The following EXOC4 variants were observed in gnomAD, a reference collection of about 807,000 sequenced individuals.
The protein encoded by EXOC4 is exocyst complex component 4.
EXOC4 carries 71 observed loss-of-function variants against 107.2 expected under a neutral mutation model. The observed-to-expected ratio is 0.66, with a 90% CI of 0.55 to 0.81. The LOEUF is 0.81. Among genes scored for constraint, EXOC4 ranks in the 30% least tolerant of loss-of-function variants. The probability of loss-of-function intolerance (pLI) is 0.00; values close to 1 mark genes in which losing one functional copy is unlikely to be tolerated. For synonymous variants in EXOC4, 456 were observed against 441.2 expected, an observed-to-expected ratio of 1.03 and a Z score of -0.42; for missense variants, 1,108 against 1,189.6, an observed-to-expected ratio of 0.93 and a Z score of 1.01.
At chr7:133,860,743 C>T (rs964244169) in intron 11 of EXOC4, among the ~76,000 whole-genome samples, 2 of 152,068 alleles carry the variant, frequency 1.3e-5, no homozygotes, top group Admixed American at 6.6e-5. Flanking sequence ...TAATTTAAAC[C>T]TATGAACTAA....
At chr7:134,082,082 G>C in the EXOC4 span, among the ~76,000 whole-genome samples, 1 of 152,180 alleles carries the variant, frequency 6.6e-6, no homozygotes, top group Non-Finnish European at 1.5e-5. Context: ...ATTCAGGGGA[G>C]TCCATAAAGT....
chr7:133,601,221 GT>G (rs1028510053), intron 9 of EXOC4, among the ~76,000 whole-genome samples: 21 of 151,986 alleles, frequency 1.4e-4, no homozygotes, highest in Admixed American at 1.0e-3. Context: ...GGATTTTGTT[GT>G]TTTATTGGTG....
intron 14 of EXOC4, among the ~76,000 whole-genome samples, chr7:133,970,885 G>T (rs1007340124): frequency 1.5e-5 from 1 of 64,774 alleles, no homozygotes; most frequent in African/African-American, 1.1e-4. Context: ...GGTTCCAAAT[G>T]GTTTCCCCTG....
At chr7:133,812,858 G>A (rs1222904188) in intron 10 of EXOC4, among the ~76,000 whole-genome samples, 4 of 151,740 alleles carry the variant, frequency 2.6e-5, no homozygotes, top group Non-Finnish European at 5.9e-5. Flanking sequence ...TACCCCTCCC[G>A]GAAATTTTGT....
intron 10 of EXOC4, among the ~76,000 whole-genome samples, chr7:133,796,761 T>TA (rs1290901982): frequency 1.3e-5 from 2 of 152,052 alleles, no homozygotes; most frequent in Admixed American, 1.3e-4. Context: ...CATTTCAAAA[T>TA]AAAAAAGATT....
intron 6 of EXOC4, among the ~76,000 whole-genome samples, chr7:133,357,579 G>T (rs998694876): frequency 3.3e-5 from 5 of 152,120 alleles, no homozygotes; most frequent in Admixed American, 2.6e-4. Flanking sequence ...TGACAAACAA[G>T]AAGAAATCAT....
intron 17 of EXOC4, among the ~76,000 whole-genome samples, chr7:134,034,677 A>G (rs1795348637): frequency 6.6e-6 from 1 of 152,172 alleles, no homozygotes; most frequent in Non-Finnish European, 1.5e-5. Context: ...GACATGTTGA[A>G]CTGTGAGTCA....
intron 12 of EXOC4, among the ~76,000 whole-genome samples, chr7:133,912,950 C>G (rs575153753): frequency 6.6e-6 from 1 of 152,108 alleles, no homozygotes; most frequent in East Asian, 1.9e-4. Context: ...CCAAGTGATT[C>G]TAATCTTTAG....
At chr7:133,622,840 C>A (rs1281174366) in intron 9 of EXOC4, among the ~76,000 whole-genome samples, 1 of 152,040 alleles carries the variant, frequency 6.6e-6, no homozygotes, top group Admixed American at 6.6e-5. Context: ...CCTGCGAATT[C>A]CTTGGAAACA....
intron 7 of EXOC4, among the ~76,000 whole-genome samples, chr7:133,458,921 AC>A (rs1278143959): frequency 6.6e-6 from 1 of 151,394 alleles, no homozygotes; most frequent in Non-Finnish European, 1.5e-5. Flanking sequence ...AATTTCAGAA[AC>A]CTGTACTTAA....
chr7:133,818,506 C>T (rs1223318384), intron 11 of EXOC4, among the ~76,000 whole-genome samples: 1 of 152,094 alleles, frequency 6.6e-6, no homozygotes, highest in Non-Finnish European at 1.5e-5. Flanking sequence ...AGAGAAGCGT[C>T]CTAGTTATGA....
At chr7:133,789,282 C>T (rs1193034741) in intron 10 of EXOC4, among the ~76,000 whole-genome samples, 3 of 152,184 alleles carry the variant, frequency 2.0e-5, no homozygotes, top group Non-Finnish European at 2.9e-5. Context: ...CTAAAAAGTT[C>T]TCTCCAGAAA....
At chr7:134,084,940 T>C in the EXOC4 span, among the ~76,000 whole-genome samples, 1 of 151,950 alleles carries the variant, frequency 6.6e-6, no homozygotes, top group Non-Finnish European at 1.5e-5. Context: ...GGAAGTGACA[T>C]ACAGAAATCG....
chr7:133,342,829 A>G (rs931079643), intron 5 of EXOC4, among the ~76,000 whole-genome samples: 2 of 151,688 alleles, frequency 1.3e-5, no homozygotes, highest in Non-Finnish European at 2.9e-5. Context: ...TTTCCAGTGT[A>G]TTTTGCATAT....
At chr7:133,881,400 C>G (rs1362278325) in intron 11 of EXOC4, among the ~76,000 whole-genome samples, 1 of 151,576 alleles carries the variant, frequency 6.6e-6, no homozygotes, top group Non-Finnish European at 1.5e-5. Context: ...TTTGTTCTTT[C>G]TACAAATTGC....
intron 10 of EXOC4, among the ~76,000 whole-genome samples, chr7:133,633,277 G>A (rs1179904252): frequency 1.3e-5 from 2 of 152,042 alleles, no homozygotes; most frequent in African/African-American, 2.4e-5. Flanking sequence ...CACATTTCCT[G>A]TTACTCAGCA....
At chr7:133,544,691 T>A (rs1800446190) in intron 9 of EXOC4, among the ~76,000 whole-genome samples, 1 of 151,576 alleles carries the variant, frequency 6.6e-6, no homozygotes, top group South Asian at 2.1e-4. Flanking sequence ...TTAGATATTT[T>A]GTCAAATGTG....
chr7:133,930,327 T>C (rs1800149021), intron 13 of EXOC4: 1 of 152,198 alleles, frequency 6.6e-6, no homozygotes, highest in African/African-American at 2.4e-5. Context: ...TGACAATATC[T>C]ATGAAGCAAA....
chr7:133,730,458 A>G (rs1346707326), intron 10 of EXOC4, among the ~76,000 whole-genome samples: 1 of 152,058 alleles, frequency 6.6e-6, no homozygotes, highest in Non-Finnish European at 1.5e-5. Context: ...GATGGTATTA[A>G]TGGTCCTGCC....
Sources: allele counts gnomAD v4.1 joint callset (sites outside exome capture counted in the v4.1 genomes callset), GRCh38; gene constraint gnomAD v4.1.1; transcripts MANE v1.5; gene names NCBI Gene and HGNC (gene_info 2026-07-23, HGNC 2026-07-21).